The following C2orf80 variants were observed in gnomAD, a reference collection of about 807,000 sequenced individuals.
C2orf80 encodes chromosome 2 open reading frame 80.
C2orf80 carries 28 observed loss-of-function variants against 30.2 expected under a neutral mutation model. That is an observed-to-expected ratio of 0.93 (90% CI 0.69 to 1.27). The LOEUF (loss-of-function observed/expected upper bound fraction) is 1.27. Ranked by LOEUF, C2orf80 falls within the 50% of genes most tolerant of loss-of-function variation. The pLI, the probability that C2orf80 is intolerant of heterozygous loss-of-function variation, is 0.00. For synonymous variants in C2orf80, 80 were observed against 76.4 expected (o/e 1.05, Z -0.24); for missense variants, 220 against 231.0 (o/e 0.95, Z 0.31).
chr2:208,172,120 C>T (rs761116326), intron 6 of C2orf80, 45 bp from the exon 7 acceptor site: 24 of 1,423,768 alleles, frequency 1.7e-5, no homozygotes, highest in Admixed American at 8.4e-5. Context: ...CCATCATCTG[C>T]GGCATGAACA....
At chr2:208,167,210 A>AT (rs961546195) in intron 8 of C2orf80, among the ~76,000 whole-genome samples, 2 of 151,900 alleles carry the variant, frequency 1.3e-5, no homozygotes, top group Non-Finnish European at 2.9e-5. Flanking sequence ...GGACAATGCA[A>AT]TTTAAAAAAA....
chr2:208,171,123 C>T, intron 7 of C2orf80, 60 bp from the exon 8 acceptor site: 1 of 1,144,266 alleles, frequency 8.7e-7, no homozygotes, highest in Middle Eastern at 2.0e-4. Context: ...TGTGTCCATC[C>T]AAAGTTTCAT....
rs376481518 is a variant in C2orf80, at chr2:208,181,258, C to T, written c.254G>A (p.Arg85Gln). ...ATAAGATGATAAAATCATAGCTTCTCGTTCTCTACGATTTGGATATATGGG... is the reference window on the plus strand; with the variant it reads ...ATAAGATGATAAAATCATAGCTTCTTGTTCTCTACGATTTGGATATATGGG... ...GRPIYPNRRE[R>Q]EAMILSSYAG... is the part of the protein sequence containing the mutation. The change falls in exon 5 of 9, where the codon CGA becomes CAA. Residue 85 changes from arginine to glutamine, a missense_variant. Coordinates refer to ENST00000341287, the MANE Select transcript of C2orf80 (RefSeq NM_001099334.3). 6.2e-6 allele frequency: 10 copies of T among 1,611,088 alleles called. No individual in the cohort carries two copies. The highest frequency in any genetic ancestry group is 1.6e-4 in the Middle Eastern group (1 of 6,074).
At chr2:208,179,539 G>A (rs770045059) in intron 6 of C2orf80, among the ~76,000 whole-genome samples, 4 of 152,058 alleles carry the variant, frequency 2.6e-5, no homozygotes, top group East Asian at 1.9e-4. Flanking sequence ...CATGGCCCTC[G>A]CCACCTCACC....
intron 8 of C2orf80, among the ~76,000 whole-genome samples, chr2:208,167,541 CAAA>C (rs1695937589): frequency 6.6e-6 from 1 of 150,900 alleles, no homozygotes; most frequent in Non-Finnish European, 1.5e-5. Context: ...AAAAAACAAA[CAAA>C]CAAAAAACTG....
In C2orf80 at chr2:208,167,951, A is replaced by C. The variant is rs142192247; in HGVS notation, c.574-2136T>G. Among the ~76,000 whole-genome samples the C allele has an allele frequency of 2.8e-3, 428 of 152,142 alleles. 4 individuals carry two copies. The highest frequency in any genetic ancestry group is 9.9e-3 in the African/African-American group (411 of 41,514). On this transcript the variant is annotated intron_variant, in intron 8 of 8. Coordinates refer to ENST00000341287, the MANE Select transcript of C2orf80 (RefSeq NM_001099334.3). ...AATTCGGTGGCTGGAAATAAATAAA[A>C]AATTCTGAATAAGGCATTGTTTTAT...
At position 208,178,178 on chromosome 2, in the gene C2orf80, C is replaced by T. The variant is rs1353430016; in HGVS notation, c.366+2567G>A. Among the ~76,000 whole-genome samples, 5 of 152,228 alleles carry T rather than the reference C, an allele frequency of 3.3e-5. No individual in the cohort carries two copies. In the East Asian group the frequency reaches 5.8e-4, roughly 18 times the overall value. On this transcript the variant is annotated intron_variant, in intron 6 of 8. Coordinates refer to ENST00000341287, the MANE Select transcript of C2orf80 (RefSeq NM_001099334.3). ...CTACTCAGACACCCATGTTTGCAAA[C>T]CTTCTTGACTGATAACCCAGCCAAA...
chr2:208,169,161 T>C (rs538289579), intron 8 of C2orf80, among the ~76,000 whole-genome samples: 51 of 151,898 alleles, frequency 3.4e-4, no homozygotes, highest in African/African-American at 1.2e-3. Flanking sequence ...TCTTTAGAGG[T>C]AGGTTTTCCT....
chr2:208,178,012 T>G (rs1696421456), intron 6 of C2orf80, among the ~76,000 whole-genome samples: 1 of 151,816 alleles, frequency 6.6e-6, no homozygotes. Context: ...GAGATAGGAT[T>G]TCACCGTGTT....
rs191958348 is a variant in C2orf80 at position 208,178,017 on chromosome 2, C to T, written c.366+2728G>A. The stretch of plus-strand genomic sequence containing the variant: ...GTTTTTAGTAGAGATAGGATTTCAC[C>T]GTGTTGGCCAGGCTGGTCTCAAACT... On this transcript the variant is annotated intron_variant, in intron 6 of 8. Transcript: ENST00000341287. 7.9e-5 allele frequency among the ~76,000 whole-genome samples: 12 copies of T among 151,990 alleles called. 1 individual carries two copies. In the East Asian group the frequency reaches 1.2e-3, roughly 15 times the overall value.
chr2:208,178,403 G>A (rs1042376605), intron 6 of C2orf80, among the ~76,000 whole-genome samples: 3 of 152,088 alleles, frequency 2.0e-5, no homozygotes, highest in African/African-American at 7.2e-5. Flanking sequence ...GTGCTGAGGG[G>A]TAGGGGAAAA....
At chr2:208,186,204 T>C (rs1238670555) in intron 2 of C2orf80, among the ~76,000 whole-genome samples, 2 of 152,230 alleles carry the variant, frequency 1.3e-5, no homozygotes, top group African/African-American at 4.8e-5. Flanking sequence ...TACATATATG[T>C]ATATTCATAG....
At chr2:208,189,610 T>A (rs892584278) in intron 1 of C2orf80, among the ~76,000 whole-genome samples, 1 of 152,264 alleles carries the variant, frequency 6.6e-6, no homozygotes, top group Non-Finnish European at 1.5e-5. Context: ...GAAGGCCATT[T>A]GCATGGATTC....
chr2:208,179,488 G>A (rs1308876693), intron 6 of C2orf80, among the ~76,000 whole-genome samples: 1 of 152,192 alleles, frequency 6.6e-6, no homozygotes, highest in Non-Finnish European at 1.5e-5. Flanking sequence ...CAGAAGACCT[G>A]GGCGTGAGGA....
rs191720823 is a variant in C2orf80, at chr2:208,169,194, C to T, written c.573+1751G>A. Among the ~76,000 whole-genome samples the T allele has an allele frequency of 4.0e-5, 6 of 150,770 alleles. No homozygotes were observed. In the East Asian group the frequency reaches 1.2e-3, roughly 29 times the overall value. On this transcript the variant is annotated intron_variant, in intron 8 of 8. Coordinates refer to ENST00000341287, the MANE Select transcript of C2orf80 (RefSeq NM_001099334.3). Reference sequence around the variant, plus strand: ...CCTTACATAGGGTCCATTGATGAGGCTTGCGGGGGGTGTCTATAAACCCCT... The same window carrying T: ...CCTTACATAGGGTCCATTGATGAGGTTTGCGGGGGGTGTCTATAAACCCCT...
intron 8 of C2orf80, 51 bp downstream of exon 8, chr2:208,170,894 C>T (rs1280160316): frequency 7.0e-7 from 1 of 1,434,076 alleles, no homozygotes. Context: ...CAGGAAAGTA[C>T]TCCCAAAATA....
rs150359412 is a variant in C2orf80, at chr2:208,184,194, C to T, written c.123+757G>A. On this transcript the variant is annotated intron_variant, in intron 3 of 8. Transcript: ENST00000341287. ...CGCGGGGGCGCCCCCCTCACCCCCG[C>T]CCCCCTTCACCTCCTGAATCAAAAC... Among the ~76,000 whole-genome samples, 318 of 152,246 alleles carry T rather than the reference C, an allele frequency of 2.1e-3. 1 individual carries two copies. The highest frequency in any genetic ancestry group is 7.4e-3 in the African/African-American group (306 of 41,544).
intron 7 of C2orf80, 65 bp from the exon 8 acceptor site, chr2:208,171,128 T>G (rs1696085554): frequency 6.2e-6 from 6 of 964,622 alleles, no homozygotes; most frequent in Non-Finnish European, 9.8e-6. Flanking sequence ...CCATCCAAAG[T>G]TTCATTTAAT....
chr2:208,169,569 C>T (rs976642143), intron 8 of C2orf80, among the ~76,000 whole-genome samples: 8 of 151,478 alleles, frequency 5.3e-5, no homozygotes, highest in African/African-American at 1.5e-4. Flanking sequence ...AAAAATTAGC[C>T]GGGTGTGGTG....
Sources: gnomAD v4.1 joint callset for allele counts (sites outside exome capture counted in the v4.1 genomes callset) on GRCh38, gnomAD v4.1.1 for gene constraint, MANE v1.5 for transcripts, NCBI Gene and HGNC (gene_info 2026-07-23, HGNC 2026-07-21) for gene names.